The following LVRN variants were observed in gnomAD, a reference collection of about 807,000 sequenced individuals.
LVRN encodes aminopeptidase Q.
A neutral mutation model predicts 111.4 loss-of-function variants in LVRN; 99 were observed. That is an observed-to-expected ratio of 0.89 (90% CI 0.76 to 1.05). LVRN has a LOEUF of 1.05. Among genes scored for constraint, LVRN ranks in the 50% least tolerant of loss-of-function variants. LVRN has a pLI of 0.00. For missense variants in LVRN, 1,414 were observed against 1,206.8 expected (o/e 1.17, Z -2.54); for synonymous variants, 488 against 449.5 (o/e 1.09, Z -1.08).
chr5:115,986,295 T>A (rs1209754841), intron 3 of LVRN, among the ~76,000 whole-genome samples: 1 of 152,212 alleles, frequency 6.6e-6, no homozygotes, highest in African/African-American at 2.4e-5. Flanking sequence ...GCACGTGCTT[T>A]GAGCTTGGTA....
intron 13 of LVRN, among the ~76,000 whole-genome samples, chr5:116,008,987 C>G (rs527640026): frequency 6.6e-6 from 1 of 152,310 alleles, no homozygotes; most frequent in African/African-American, 2.4e-5. Flanking sequence ...AAGATGCCCT[C>G]TAGGCCTTTT....
intron 10 of LVRN, 53 bp from the exon 11 acceptor site, chr5:116,002,782 T>C: frequency 7.8e-7 from 1 of 1,287,986 alleles, no homozygotes; most frequent in Non-Finnish European, 1.1e-6. Context: ...TGGCTCAGAG[T>C]GTATGTTTTT....
chr5:116,002,715 A>G (rs1385057171), intron 10 of LVRN, 120 bp from the exon 11 acceptor site: 1 of 705,766 alleles, frequency 1.4e-6, no homozygotes, highest in East Asian at 2.9e-5. Context: ...CTGCATATCT[A>G]GAGAGAATGA....
At chr5:115,996,475 C>G (rs188471951) in intron 6 of LVRN, among the ~76,000 whole-genome samples, 1 of 152,236 alleles carries the variant, frequency 6.6e-6, no homozygotes, top group East Asian at 1.9e-4. Flanking sequence ...TTGCCACGTT[C>G]TTTGTTTTTA....
intron 1 of LVRN, among the ~76,000 whole-genome samples, chr5:115,971,922 T>A (rs993156586): frequency 4.0e-5 from 6 of 150,832 alleles, no homozygotes; most frequent in African/African-American, 1.5e-4. Flanking sequence ...AGAATTCAAA[T>A]GTTAAAAATA....
At chr5:115,999,042 T>A (rs910901846) in intron 6 of LVRN, among the ~76,000 whole-genome samples, 1 of 152,154 alleles carries the variant, frequency 6.6e-6, no homozygotes, top group African/African-American at 2.4e-5. Context: ...CATGAGGGGT[T>A]CACCTGGCTC....
intron 19 of LVRN, among the ~76,000 whole-genome samples, chr5:116,024,974 T>C (rs1748831939): frequency 6.6e-6 from 1 of 152,130 alleles, no homozygotes; most frequent in Non-Finnish European, 1.5e-5. Flanking sequence ...ACCTTCTGCA[T>C]CTCTGGCTCT....
In LVRN at chr5:116,003,279, G is replaced by T; in HGVS notation, c.1936G>T (p.Asp646Tyr). The T allele has an allele frequency of 6.3e-7, 1 of 1,582,598 alleles. No individual in the cohort carries two copies. The highest frequency in any genetic ancestry group is 1.4e-5 in the African/African-American group (1 of 73,420). ...PEMQVSDSDH[D>Y]WVILNLNMTG... ...AATGCAAGTTTCAGATTCTGACCAT[G>T]ACTGGGTGATTTTGAATTTGAATAT... The change falls in exon 12 of 20, where the codon GAC (aspartate) becomes TAC (tyrosine). Residue 646 changes from aspartate to tyrosine, a missense_variant. Coordinates refer to ENST00000357872, the MANE Select transcript of LVRN (RefSeq NM_173800.5).
intron 10 of LVRN, among the ~76,000 whole-genome samples, chr5:116,002,512 T>G (rs941156822): frequency 5.3e-5 from 8 of 152,224 alleles, no homozygotes; most frequent in Non-Finnish European, 8.8e-5. Flanking sequence ...GCATTTGAAC[T>G]ACCCTTGAGT....
intron 4 of LVRN, among the ~76,000 whole-genome samples, chr5:115,989,065 C>A (rs1346401031): frequency 6.6e-6 from 1 of 152,114 alleles, no homozygotes; most frequent in African/African-American, 2.4e-5. Flanking sequence ...TCATCATCAT[C>A]TCCACCACAG....
At chr5:115,994,904 G>C (rs1748072611) in intron 6 of LVRN, among the ~76,000 whole-genome samples, 1 of 151,998 alleles carries the variant, frequency 6.6e-6, no homozygotes, top group Non-Finnish European at 1.5e-5. Context: ...TTCTTTCTTG[G>C]TTTGCATCTT....
chr5:115,999,862 G>A lies in LVRN; in HGVS notation c.1475G>A (p.Ser492Asn). 6.2e-7 allele frequency: 1 copy of A among 1,613,654 alleles called. No homozygotes were observed. Among genetic ancestry groups the A allele is most frequent in the Non-Finnish European group, 8.5e-7 (1 of 1,179,826 alleles). Residue 492 changes from serine to asparagine, a missense_variant, in exon 7 of 20, where the codon AGT (serine) becomes AAT (asparagine). Physicochemically the swap from Ser to Asn is conservative, Grantham distance 46. Transcript: ENST00000357872. Reference sequence around the variant, plus strand: ...ATGAAGGTGGAAAATTTCAAAACAAGTGAAATACAGGAACTCTTTGACATA... The same window carrying A: ...ATGAAGGTGGAAAATTTCAAAACAAATGAAATACAGGAACTCTTTGACATA... ...VAMKVENFKT[S>N]EIQELFDIFT...
intron 1 of LVRN, among the ~76,000 whole-genome samples, chr5:115,967,352 A>G (rs1375248973): frequency 6.6e-6 from 1 of 152,186 alleles, no homozygotes; most frequent in Non-Finnish European, 1.5e-5. Flanking sequence ...TCTTTTGCCT[A>G]TGGATATCCA....
intron 18 of LVRN, 149 bp downstream of exon 18, chr5:116,015,914 G>A (rs1748595187): frequency 1.0e-6 from 1 of 977,292 alleles, no homozygotes; most frequent in Non-Finnish European, 1.4e-6. Context: ...TTTTTCCTTT[G>A]TTTAGTCTCA....
intron 4 of LVRN, among the ~76,000 whole-genome samples, chr5:115,989,650 A>G (rs1468334847): frequency 6.6e-6 from 1 of 152,172 alleles, no homozygotes; most frequent in East Asian, 1.9e-4. Context: ...AAATAAATAC[A>G]TGTGACTAGT....
intron 3 of LVRN, 27 bp downstream of exon 3, chr5:115,984,736 G>A (rs376110976): frequency 1.2e-6 from 2 of 1,612,444 alleles, no homozygotes; most frequent in Admixed American, 3.3e-5. Context: ...CTGTAGGTAA[G>A]GGAGATTGTA....
chr5:116,009,274 A>G (rs893367734), intron 13 of LVRN, among the ~76,000 whole-genome samples: 105 of 152,300 alleles, frequency 6.9e-4, no homozygotes, highest in African/African-American at 2.4e-3. Flanking sequence ...AAAAAAAAAG[A>G]TTCCTTCCAA....
At chr5:115,999,955 T>A in intron 7 of LVRN, 53 bp downstream of exon 7, 6 of 1,548,510 alleles carry the variant, frequency 3.9e-6, no homozygotes, top group Non-Finnish European at 5.2e-6. Flanking sequence ...GAAAGTTGCA[T>A]AAAATGGATT....
intron 13 of LVRN, among the ~76,000 whole-genome samples, chr5:116,007,926 G>A (rs902283857): frequency 2.0e-5 from 3 of 152,200 alleles, no homozygotes; most frequent in Non-Finnish European, 4.4e-5. Flanking sequence ...GGGGTGCAAT[G>A]AATCATGCCT....
Sources: allele counts gnomAD v4.1 joint callset (sites outside exome capture counted in the v4.1 genomes callset), GRCh38; gene constraint gnomAD v4.1.1; transcripts MANE v1.5; gene names NCBI Gene and HGNC (gene_info 2026-07-23, HGNC 2026-07-21).